AOAH: variants seen among roughly 807,000 people sequenced by gnomAD.
The protein encoded by AOAH is acyloxyacyl hydrolase, also known as acyloxyacyl hydrolase (neutrophil).
AOAH carries 64 observed loss-of-function variants against 92.2 expected under a neutral mutation model. The observed-to-expected ratio is 0.69, with a 90% CI of 0.57 to 0.86. The LOEUF (loss-of-function observed/expected upper bound fraction) is 0.86, where lower values mean the gene tolerates loss of function less well. AOAH is among the 40% of genes least tolerant of loss of function. AOAH has a pLI of 0.00. For synonymous variants in AOAH, 263 were observed against 254.5 expected, an observed-to-expected ratio of 1.03 and a Z score of -0.32; for missense variants, 656 against 694.6, an observed-to-expected ratio of 0.94 and a Z score of 0.62.
intron 6 of AOAH, among the ~76,000 whole-genome samples, chr7:36,625,460 A>G (rs34404068): frequency 0.13 from 19,789 of 152,178 alleles, 1,620 homozygotes; most frequent in South Asian, 0.19. Context: ...AAACCACATG[A>G]AAAGCCCCCA....
rs563224663 is a variant in AOAH at position 36,650,598 on chromosome 7, A to G, written c.390+8568T>C. 1.8e-4 allele frequency among the ~76,000 whole-genome samples: 27 copies of G among 152,352 alleles called. No individual in the cohort carries two copies. The South Asian group carries it at 5.4e-3, about 30-fold the overall frequency. On this transcript the variant is annotated intron_variant, in intron 4 of 20. Coordinates refer to ENST00000617537, the MANE Select transcript of AOAH (RefSeq NM_001637.4). ...TGCTCAAACCCTACCCAGGAATACCAGAGCAGGCGCCCTGGGATGAACCCT... is the reference window on the plus strand; with the variant it reads ...TGCTCAAACCCTACCCAGGAATACCGGAGCAGGCGCCCTGGGATGAACCCT...
At chr7:36,542,234 C>T (rs1785471653) in intron 15 of AOAH, among the ~76,000 whole-genome samples, 1 of 152,172 alleles carries the variant, frequency 6.6e-6, no homozygotes, top group Non-Finnish European at 1.5e-5. Context: ...CTGAGGATCG[C>T]TGGAAGCCAC....
At chr7:36,591,774 GTC>G (rs1216476442) in intron 12 of AOAH, among the ~76,000 whole-genome samples, 1 of 152,198 alleles carries the variant, frequency 6.6e-6, no homozygotes, top group Non-Finnish European at 1.5e-5. Context: ...ACTGAACAGA[GTC>G]TGTTTGGGAG....
Position 36,724,266 on chromosome 7 carries a change from G to GAC in AOAH, c.-120_-119dup. On this transcript the variant is annotated 5_prime_UTR_variant, in exon 1 of 21. The change abolishes the stop of an existing upstream ORF in the 5' untranslated region. Transcript: ENST00000617537. ...TCTCCTTCTCTTCCTCACTCTCTTT[G>GAC]ACACACACACCCCACCCTCTCACAT... The GAC allele has an allele frequency of 2.5e-6, 3 of 1,191,764 alleles. No homozygotes were observed. The highest frequency in any genetic ancestry group is 3.6e-6 in the Non-Finnish European group (3 of 829,210). The allele number at this position is 1,191,764 out of a possible 1,614,324, so 73.8% of individuals were successfully genotyped here. A position where few individuals can be genotyped will look rare whatever the true frequency, so the allele number is the denominator to read the frequency against.
chr7:36,520,911 C>T (rs902402182), intron 20 of AOAH, among the ~76,000 whole-genome samples: 2 of 152,098 alleles, frequency 1.3e-5, no homozygotes, highest in African/African-American at 4.8e-5. Flanking sequence ...TATTTAAATC[C>T]GTGAGGTGGG....
intron 19 of AOAH, among the ~76,000 whole-genome samples, chr7:36,524,805 C>A (rs942939233): frequency 1.3e-4 from 19 of 151,900 alleles, no homozygotes; most frequent in African/African-American, 4.6e-4. Flanking sequence ...GGAAGGGGAC[C>A]CTCACCAGAA....
At chr7:36,556,849 C>T (rs1218242072) in intron 13 of AOAH, among the ~76,000 whole-genome samples, 14 of 149,572 alleles carry the variant, frequency 9.4e-5, no homozygotes, top group African/African-American at 3.5e-4. Flanking sequence ...AGATCTTCCT[C>T]CATCCTTTTA....
At chr7:36,659,406 C>T (rs532350246) in intron 3 of AOAH, 141 bp from the exon 4 acceptor site, 9 of 658,542 alleles carry the variant, frequency 1.4e-5, no homozygotes, top group South Asian at 7.0e-5. Flanking sequence ...ACCCCAATCC[C>T]GGGGAGCTGC....
At chr7:36,700,918 A>C (rs1360559952) in intron 1 of AOAH, among the ~76,000 whole-genome samples, 1 of 152,030 alleles carries the variant, frequency 6.6e-6, no homozygotes, top group African/African-American at 2.4e-5. Flanking sequence ...TTTAATTTGC[A>C]TTTCTCTGAA....
rs1198344099 is a variant in AOAH, at chr7:36,516,091, TACACACACCACACAGATACATCAC to T, written c.1600-2735_1600-2712del. Reference sequence around the variant, plus strand: ...CACACCACACGCCACATACACACCATACACACACCACACAGATACATCACACACACACCACACACAGATACACCA... The same window carrying T: ...CACACCACACGCCACATACACACCATACACACACCACACACAGATACACCA... On this transcript the variant is annotated intron_variant, in intron 20 of 20. Transcript: ENST00000617537. The surrounding 1 kb of genome is among the most constrained non-coding windows in gnomAD (Gnocchi z 5.0). Among the ~76,000 whole-genome samples, 7 of 114,786 alleles carry T rather than the reference TACACACACCACACAGATACATCAC, an allele frequency of 6.1e-5. No individual in the cohort carries two copies. Among genetic ancestry groups the T allele is most frequent in the Non-Finnish European group, 1.3e-4 (7 of 55,180 alleles). The allele number at this position is 114,786 out of a possible 152,430, so 75.3% of individuals were successfully genotyped here. A position where few individuals can be genotyped will look rare whatever the true frequency, so the allele number is the denominator to read the frequency against.
intron 13 of AOAH, among the ~76,000 whole-genome samples, chr7:36,564,149 C>T (rs6949908): frequency 0.07 from 10,613 of 152,214 alleles, 449 homozygotes; most frequent in Non-Finnish European, 0.084. Flanking sequence ...CAGAGCCTCC[C>T]AGCTCTGAGT....
intron 5 of AOAH, among the ~76,000 whole-genome samples, chr7:36,634,569 C>A (rs538120891): frequency 1.3e-4 from 20 of 152,220 alleles, no homozygotes; most frequent in South Asian, 2.1e-4. Flanking sequence ...ATGCCCCTGG[C>A]CGAATAAATC....
At chr7:36,557,139 T>G (rs1480226085) in intron 13 of AOAH, among the ~76,000 whole-genome samples, 1 of 152,228 alleles carries the variant, frequency 6.6e-6, no homozygotes, top group Non-Finnish European at 1.5e-5. Flanking sequence ...TGCCTTTCCA[T>G]GTTTAGTGCT....
chr7:36,572,293 A>G (rs1186886046), intron 13 of AOAH, among the ~76,000 whole-genome samples: 2 of 152,112 alleles, frequency 1.3e-5, no homozygotes, highest in African/African-American at 4.8e-5. Flanking sequence ...GAGCCCAAGA[A>G]TTCAAGACCA....
intron 3 of AOAH, among the ~76,000 whole-genome samples, chr7:36,664,309 G>A (rs1044063319): frequency 1.3e-5 from 2 of 152,116 alleles, no homozygotes; most frequent in Non-Finnish European, 2.9e-5. Context: ...TAAGGTCTGT[G>A]TCTGGATTCA....
At chr7:36,650,352 T>G (rs1267010836) in intron 4 of AOAH, among the ~76,000 whole-genome samples, 1 of 152,098 alleles carries the variant, frequency 6.6e-6, no homozygotes, top group Non-Finnish European at 1.5e-5. Context: ...GTTAAGTTGA[T>G]AAATCAATCA....
At chr7:36,532,914 T>C (rs574770110) in intron 16 of AOAH, among the ~76,000 whole-genome samples, 1 of 152,198 alleles carries the variant, frequency 6.6e-6, no homozygotes, top group Non-Finnish European at 1.5e-5. Context: ...TACGAAATAC[T>C]TGGTTGGCCC....
At chr7:36,624,908 G>A (rs74860144) in intron 6 of AOAH, among the ~76,000 whole-genome samples, 4,960 of 152,248 alleles carry the variant, frequency 0.033, 249 homozygotes, top group African/African-American at 0.11. Flanking sequence ...CCTCATAACC[G>A]GGGGGCCTTG....
chr7:36,619,498 C>G (rs1276386459), intron 9 of AOAH, among the ~76,000 whole-genome samples: 1 of 152,168 alleles, frequency 6.6e-6, no homozygotes, highest in Admixed American at 6.5e-5. Context: ...TGATTAGTCT[C>G]CTTTGTCCTC....
Sources: allele counts gnomAD v4.1 joint callset (sites outside exome capture counted in the v4.1 genomes callset), GRCh38; gene constraint gnomAD v4.1.1; non-coding constraint Gnocchi (gnomAD v3.1); transcripts MANE v1.5; gene names NCBI Gene and HGNC (gene_info 2026-07-23, HGNC 2026-07-21).